The following DMRT1 variants were observed in gnomAD, a reference collection of about 807,000 sequenced individuals.
DMRT1 encodes the protein doublesex- and mab-3-related transcription factor 1.
A neutral mutation model predicts 32.3 loss-of-function variants in DMRT1; 7 were observed. The ratio of observed to expected loss-of-function variants is 0.22; its 90% CI spans 0.12 to 0.41. The LOEUF (loss-of-function observed/expected upper bound fraction) is 0.41, where lower values mean the gene tolerates loss of function less well. DMRT1 is among the 10% of genes least tolerant of loss of function. The pLI is 1.00. For missense variants in DMRT1, 625 were observed against 500.5 expected, an observed-to-expected ratio of 1.25 and a Z score of -2.37; for synonymous variants, 278 against 206.1, an observed-to-expected ratio of 1.35 and a Z score of -2.99.
intron 3 of DMRT1, among the ~76,000 whole-genome samples, chr9:909,385 CG>C (rs1475994170): frequency 6.6e-6 from 1 of 152,086 alleles, no homozygotes; most frequent in Non-Finnish European, 1.5e-5. Flanking sequence ...AGAAGGTGAA[CG>C]GGGCTTTTTG....
intron 3 of DMRT1, among the ~76,000 whole-genome samples, chr9:909,206 G>T (rs1358819742): frequency 6.6e-6 from 1 of 152,116 alleles, no homozygotes; most frequent in Admixed American, 6.5e-5. Flanking sequence ...CGGGAGGGGC[G>T]GGTTTTCGCT....
At chr9:941,309 G>GT (rs745765931) in intron 4 of DMRT1, among the ~76,000 whole-genome samples, 28 of 149,248 alleles carry the variant, frequency 1.9e-4, no homozygotes, top group Non-Finnish European at 3.5e-4. Flanking sequence ...ATGCATGAGC[G>GT]TGTGCGCACA....
intron 2 of DMRT1, among the ~76,000 whole-genome samples, chr9:883,679 A>G (rs552727914): frequency 7.9e-5 from 12 of 151,204 alleles, no homozygotes; most frequent in Non-Finnish European, 1.3e-4. Context: ...GTAGTCCCAG[A>G]TACTTGGGAG....
At chr9:915,406 T>C (rs1564247899) in intron 3 of DMRT1, among the ~76,000 whole-genome samples, 1 of 152,196 alleles carries the variant, frequency 6.6e-6, no homozygotes, top group African/African-American at 2.4e-5. Context: ...CCACAGGGAA[T>C]GAACTGCTTC....
Position 862,483 on chromosome 9 carries a change from G to A in DMRT1, c.538+15340G>A, listed in dbSNP as rs572236249. Among the ~76,000 whole-genome samples, 5 of 148,222 alleles carry A rather than the reference G, an allele frequency of 3.4e-5. No individual in the cohort carries two copies. The East Asian group carries it at 1.0e-3, about 31-fold the overall frequency. Reference sequence around the variant, plus strand: ...CCAGCCTCGGCATCAGAGGGAGACGGTGCAAAGGGGAGACGAGGACCGTGC... The same window carrying A: ...CCAGCCTCGGCATCAGAGGGAGACGATGCAAAGGGGAGACGAGGACCGTGC... On this transcript the variant is annotated intron_variant, in intron 2 of 4. Transcript: ENST00000382276.
intron 2 of DMRT1, among the ~76,000 whole-genome samples, chr9:856,830 T>C (rs1815419739): frequency 6.6e-6 from 1 of 152,226 alleles, no homozygotes; most frequent in Non-Finnish European, 1.5e-5. Context: ...CCAAAGAGGC[T>C]GCACTATTTT....
At chr9:868,258 C>T (rs372446989) in intron 2 of DMRT1, among the ~76,000 whole-genome samples, 18 of 152,330 alleles carry the variant, frequency 1.2e-4, no homozygotes, top group African/African-American at 4.3e-4. Context: ...GGATTACAGG[C>T]GTGACCACTG....
chr9:926,215 T>C (rs1296421436), intron 4 of DMRT1, among the ~76,000 whole-genome samples: 1 of 152,256 alleles, frequency 6.6e-6, no homozygotes, highest in African/African-American at 2.4e-5. Context: ...GTATAAACTT[T>C]AAGATACCTT....
intron 3 of DMRT1, among the ~76,000 whole-genome samples, chr9:897,089 CATATTATT>C (rs942020635): frequency 1.8e-5 from 2 of 108,818 alleles, no homozygotes; most frequent in Non-Finnish European, 1.8e-5. Flanking sequence ...TTTTTGGAAT[CATATTATT>C]ATTATTATTA....
chr9:843,809 C>G, intron 1 of DMRT1, among the ~76,000 whole-genome samples: 1 of 152,224 alleles, frequency 6.6e-6, no homozygotes, highest in Non-Finnish European at 1.5e-5. Context: ...TATAATATAT[C>G]AGATTTTTAC....
chr9:937,225 T>C (rs1271798851), intron 4 of DMRT1, among the ~76,000 whole-genome samples: 4 of 152,342 alleles, frequency 2.6e-5, no homozygotes, highest in South Asian at 2.1e-4. Context: ...GTGTGCGCCT[T>C]CTTTTGTTTA....
intron 4 of DMRT1, among the ~76,000 whole-genome samples, chr9:953,210 C>T (rs1015992454): frequency 6.6e-6 from 1 of 152,058 alleles, no homozygotes; most frequent in Admixed American, 6.6e-5. Flanking sequence ...CTATCTAAAA[C>T]GTATCTGACG....
chr9:872,114 T>G (rs141463107), intron 2 of DMRT1, among the ~76,000 whole-genome samples: 1,542 of 151,294 alleles, frequency 0.01, 121 homozygotes, highest in African/African-American at 0.036. Flanking sequence ...CAGGCTGGAG[T>G]GCAGTGGCTT....
chr9:928,552 C>T (rs929780566), intron 4 of DMRT1, among the ~76,000 whole-genome samples: 1 of 152,184 alleles, frequency 6.6e-6, no homozygotes, highest in African/African-American at 2.4e-5. Context: ...GAAACAATCA[C>T]AGGTGTATGG....
intron 2 of DMRT1, among the ~76,000 whole-genome samples, chr9:854,486 G>A (rs1254332266): frequency 6.6e-6 from 1 of 152,042 alleles, no homozygotes; most frequent in African/African-American, 2.4e-5. Flanking sequence ...GTTTTGCCAC[G>A]TTGGCCAGGC....
intron 4 of DMRT1, among the ~76,000 whole-genome samples, chr9:923,102 A>T (rs138521498): frequency 6.6e-6 from 1 of 152,336 alleles, no homozygotes; most frequent in East Asian, 1.9e-4. Flanking sequence ...CCAGGACTGC[A>T]TGCAAAATGG....
intron 4 of DMRT1, among the ~76,000 whole-genome samples, chr9:935,983 T>G (rs1441122211): frequency 6.6e-6 from 1 of 152,232 alleles, no homozygotes; most frequent in Admixed American, 6.5e-5. Context: ...AAAGTCGTTT[T>G]CAAGGCTGGA....
rs954934526 is a variant in DMRT1 at position 969,049 on chromosome 9, G to C, written c.*910G>C. 1.3e-5 allele frequency: 2 copies of C among 152,598 alleles called. No individual in the cohort carries two copies. The highest frequency in any genetic ancestry group is 4.8e-5 in the African/African-American group (2 of 41,438). 9.5% of individuals were successfully genotyped at this position (152,598 alleles called of 1,614,324 possible). On this transcript the variant is annotated 3_prime_UTR_variant, in exon 5 of 5. Transcript: ENST00000382276. ...CTAAAAAAATTCATTGTTCTACTTAGTTGCAGCTGTACCTGAAATAAAAAT... is the reference window on the plus strand; with the variant it reads ...CTAAAAAAATTCATTGTTCTACTTACTTGCAGCTGTACCTGAAATAAAAAT...
intron 2 of DMRT1, among the ~76,000 whole-genome samples, chr9:885,812 C>G (rs148309760): frequency 1.3e-5 from 2 of 152,196 alleles, no homozygotes; most frequent in East Asian, 3.9e-4. Flanking sequence ...ACTTCCCTGC[C>G]CACTTCTGTA....
Sources: allele counts gnomAD v4.1 joint callset (sites outside exome capture counted in the v4.1 genomes callset), GRCh38; gene constraint gnomAD v4.1.1; transcripts MANE v1.5; gene names NCBI Gene and HGNC (gene_info 2026-07-23, HGNC 2026-07-21).